Variants in ADAM7 observed in about 807,000 individuals in gnomAD.
ADAM7 encodes the protein ADAM metallopeptidase domain 7.
Under a neutral mutation model 102.9 loss-of-function variants are expected in ADAM7, and 97 were observed. The ratio of observed to expected loss-of-function variants is 0.94; its 90% CI spans 0.80 to 1.12. The LOEUF is 1.12. Among genes scored for constraint, ADAM7 ranks in the 50% most tolerant of loss-of-function variants. The pLI, the probability that ADAM7 is intolerant of heterozygous loss-of-function variation, is 0.00. For synonymous variants in ADAM7, 334 were observed against 304.4 expected (o/e 1.10, Z -1.01); for missense variants, 991 against 908.7 (o/e 1.09, Z -1.16).
chr8:24,482,341 C>A, intron 9 of ADAM7, 30 bp downstream of exon 9: 5 of 1,570,046 alleles, frequency 3.2e-6, no homozygotes, highest in Non-Finnish European at 4.3e-6. Context: ...TCTTGCATAC[C>A]TTTGGTGGAT....
At chr8:24,454,089 C>T (rs945603553) in intron 3 of ADAM7, among the ~76,000 whole-genome samples, 19 of 152,300 alleles carry the variant, frequency 1.2e-4, no homozygotes, top group African/African-American at 4.6e-4. Flanking sequence ...TTAGGCTGCT[C>T]AGGGGTCAGG....
chr8:24,482,654 C>T (rs181476760), intron 9 of ADAM7, among the ~76,000 whole-genome samples: 1 of 152,128 alleles, frequency 6.6e-6, no homozygotes, highest in South Asian at 2.1e-4. Flanking sequence ...GAAGCTGAGG[C>T]TGGAGGATCT....
intron 6 of ADAM7, among the ~76,000 whole-genome samples, chr8:24,468,002 G>A (rs1264224000): frequency 3.9e-5 from 6 of 152,078 alleles, no homozygotes; most frequent in Non-Finnish European, 8.8e-5. Flanking sequence ...GAGGTGGAAG[G>A]TTGCGGTGAG....
chr8:24,508,422 T>G, intron 21 of ADAM7, 124 bp from the exon 22 acceptor site: 1 of 937,748 alleles, frequency 1.1e-6, no homozygotes, highest in Non-Finnish European at 1.6e-6. Flanking sequence ...AAAGCATGAA[T>G]AAATGTAGGA....
At chr8:24,481,954 A>T (rs1819966790) in intron 8 of ADAM7, among the ~76,000 whole-genome samples, 188 bp from the exon 9 acceptor site, 1 of 152,126 alleles carries the variant, frequency 6.6e-6, no homozygotes, top group Admixed American at 6.5e-5. Flanking sequence ...AAAATTCACC[A>T]GGTATTCTGG....
At chr8:24,483,291 C>T (rs1022483381) in intron 9 of ADAM7, among the ~76,000 whole-genome samples, 3 of 152,144 alleles carry the variant, frequency 2.0e-5, no homozygotes, top group African/African-American at 7.2e-5. Context: ...TAATATTTAG[C>T]ACAGTCCTGT....
At chr8:24,471,169 T>C (rs1430990527) in intron 7 of ADAM7, among the ~76,000 whole-genome samples, 1 of 152,126 alleles carries the variant, frequency 6.6e-6, no homozygotes, top group African/African-American at 2.4e-5. Flanking sequence ...TTTGTACAGC[T>C]ATAGAATGTG....
chr8:24,500,636 G>A (rs1175888074), intron 18 of ADAM7, among the ~76,000 whole-genome samples, 154 bp from the exon 19 acceptor site: 2 of 152,108 alleles, frequency 1.3e-5, no homozygotes, highest in Non-Finnish European at 2.9e-5. Context: ...TAATGTTTGG[G>A]CTTTTTACTT....
chr8:24,493,228 T>A lies in ADAM7; in HGVS notation c.1841T>A (p.Met614Lys), dbSNP rs374154870. ...TCAGGAACAAAATGTGGAGAGGGAATGGTAAGACAAAAGCCCTTTGTTTTA... is the reference window on the plus strand; with the variant it reads ...TCAGGAACAAAATGTGGAGAGGGAAAGGTAAGACAAAAGCCCTTTGTTTTA... ...VASGTKCGEG[M>K]VCNNGECLNM... The change falls in exon 16 of 22, where the codon ATG (methionine) becomes AAG (lysine). Residue 614 changes from methionine (M) to lysine (K), a missense_variant and splice_region_variant. Met to Lys is a moderately conservative substitution (Grantham distance 95). Coordinates refer to ENST00000175238, the MANE Select transcript of ADAM7 (RefSeq NM_003817.4). 7 of 1,592,778 alleles carry A rather than the reference T, an allele frequency of 4.4e-6. No individual in the cohort carries two copies. The highest frequency in any genetic ancestry group is 2.7e-5 in the African/African-American group (2 of 73,608).
Position 24,489,164 on chromosome 8 carries a change from C to T in ADAM7, c.1097C>T (p.Pro366Leu), listed in dbSNP as rs768034804. ...TTACCTCATTCTATCTCTAGCATTCCTGCACTGAAATTCAGTAAATGCAGC... is the reference window on the plus strand; with the variant it reads ...TTACCTCATTCTATCTCTAGCATTCTTGCACTGAAATTCAGTAAATGCAGC... ...KCVMDSDGSI[P>L]ALKFSKCSQN... The change falls in exon 12 of 22, where the codon CCT becomes CTT. Residue 366 changes from proline to leucine, a missense_variant. Transcript: ENST00000175238. 6.2e-7 allele frequency: 1 copy of T among 1,609,680 alleles called. No individual in the cohort carries two copies. Among genetic ancestry groups the T allele is most frequent in the South Asian group, 1.1e-5 (1 of 90,292 alleles).
chr8:24,449,528 C>T (rs371228008), intron 3 of ADAM7, among the ~76,000 whole-genome samples: 13 of 152,068 alleles, frequency 8.5e-5, no homozygotes, highest in African/African-American at 2.9e-4. Context: ...TGTTTGAGTT[C>T]ATTGTAGATT....
chr8:24,465,979 C>T (rs984105228), intron 5 of ADAM7, among the ~76,000 whole-genome samples: 11 of 152,194 alleles, frequency 7.2e-5, no homozygotes, highest in Non-Finnish European at 1.5e-4. Flanking sequence ...CTGAACAAGA[C>T]AAGCTTTGCA....
intron 10 of ADAM7, among the ~76,000 whole-genome samples, chr8:24,485,997 G>T (rs891439418): frequency 1.4e-4 from 22 of 152,240 alleles, no homozygotes; most frequent in African/African-American, 5.3e-4. Flanking sequence ...TTATTTAAAT[G>T]ACCACATGAC....
rs371959670 is a variant in ADAM7 at position 24,460,609 on chromosome 8, T to A, written c.234-3273T>A. ...TGCAGCATATATTTACAATTAATCA[T>A]TAAGTTATAGTTAATGTCATGTCAT... On this transcript the variant is annotated intron_variant, in intron 3 of 21. Transcript: ENST00000175238. Among the ~76,000 whole-genome samples the A allele has an allele frequency of 1.1e-4, 16 of 152,172 alleles. No individual in the cohort carries two copies. In the East Asian group the frequency reaches 2.9e-3, roughly 28 times the overall value.
intron 8 of ADAM7, among the ~76,000 whole-genome samples, chr8:24,478,696 C>G (rs1585894116): frequency 6.6e-6 from 1 of 152,232 alleles, no homozygotes; most frequent in East Asian, 1.9e-4. Flanking sequence ...TTTAAATTTC[C>G]TGTTAGACAA....
At position 24,443,861 on chromosome 8, in the gene ADAM7, G is replaced by C. The variant is rs184653796; in HGVS notation, c.156+1285G>C. 7.3e-3 allele frequency among the ~76,000 whole-genome samples: 1,108 copies of C among 152,082 alleles called. 9 individuals carry two copies. Among genetic ancestry groups the C allele is most frequent in the Admixed American group, 0.023 (349 of 15,266 alleles). On this transcript the variant is annotated intron_variant, in intron 2 of 21. Transcript: ENST00000175238. The stretch of plus-strand genomic sequence containing the variant: ...GCTGAGGTGAATCGCTTGAACCCAG[G>C]AGGCAGAGGTTGCAGTGAGCCAAGA...
chr8:24,500,758 C>T lies in ADAM7; in HGVS notation c.2003-32C>T. 1.9e-6 allele frequency: 3 copies of T among 1,561,816 alleles called. No homozygotes were observed. In the South Asian group the frequency reaches 3.4e-5, roughly 17 times the overall value. On this transcript the variant is annotated intron_variant, in intron 18 of 21. Coordinates refer to ENST00000175238, the MANE Select transcript of ADAM7 (RefSeq NM_003817.4). ...ATTCCACTGTTTTACAACTGATACC[C>T]TCGATGAAGCCCATGTTTCTTCATG...
Position 24,465,594 on chromosome 8 carries a change from T to C in ADAM7, c.313-105T>C, listed in dbSNP as rs968442405. 14 of 604,890 alleles carry C rather than the reference T, an allele frequency of 2.3e-5. No individual in the cohort carries two copies. In the African/African-American group the frequency reaches 2.5e-4, roughly 11 times the overall value. 37.5% of individuals were successfully genotyped at this position (604,890 alleles called of 1,614,324 possible). On this transcript the variant is annotated intron_variant, in intron 4 of 21. Transcript: ENST00000175238. Reference sequence around the variant, plus strand: ...GCAGAACAAATATCAATGCAATTTGTCAAAATAAAACATTGATATATTCTG... The same window carrying C: ...GCAGAACAAATATCAATGCAATTTGCCAAAATAAAACATTGATATATTCTG...
chr8:24,496,208 A>T (rs1367683806), intron 16 of ADAM7, among the ~76,000 whole-genome samples: 1 of 152,212 alleles, frequency 6.6e-6, no homozygotes, highest in African/African-American at 2.4e-5. Context: ...TGGTGCTGAG[A>T]CTGCAGGTGC....
Sources: allele counts gnomAD v4.1 joint callset (sites outside exome capture counted in the v4.1 genomes callset), GRCh38; gene constraint gnomAD v4.1.1; transcripts MANE v1.5; gene names NCBI Gene and HGNC (gene_info 2026-07-23, HGNC 2026-07-21).